Variants in SDHD observed in about 807,000 individuals in gnomAD.
SDHD encodes the protein succinate dehydrogenase [ubiquinone] cytochrome b small subunit, mitochondrial.
SDHD carries 6 observed loss-of-function variants against 18.7 expected under a neutral mutation model. That is an observed-to-expected ratio of 0.32 (90% confidence interval 0.18 to 0.63). SDHD has a LOEUF of 0.63. Ranked by LOEUF, SDHD falls within the 30% of genes least tolerant of loss-of-function variation. The pLI is 0.79. For missense variants in SDHD, 160 were observed against 192.7 expected (o/e 0.83, Z 1.00); for synonymous variants, 56 against 73.9 (o/e 0.76, Z 1.24).
intron 2 of SDHD, 178 bp downstream of exon 2, chr11:112,088,151 T>G (rs1467434718): frequency 1.4e-6 from 1 of 702,584 alleles, no homozygotes; most frequent in Admixed American, 2.0e-5. Context: ...ATGATGCCAT[T>G]TATAATCATA....
intron 3 of SDHD, chr11:112,091,012 A>G (rs1436171443): frequency 2.8e-6 from 2 of 711,506 alleles, no homozygotes; most frequent in Non-Finnish European, 3.4e-6. Context: ...GGTTTTAATT[A>G]TCTGGTTTTG....
chr11:112,089,194 A>G (rs1216353394), intron 3 of SDHD, 183 bp downstream of exon 3: 8 of 642,874 alleles, frequency 1.2e-5, no homozygotes, highest in South Asian at 4.0e-5. Context: ...ATGTCTTTCA[A>G]TTCGATTTCC....
In SDHD at chr11:112,087,847, C is replaced by A; in HGVS notation, c.53-10C>A. 6.3e-7 allele frequency: 1 copy of A among 1,581,792 alleles called. No homozygotes were observed. Among genetic ancestry groups the A allele is most frequent in the Non-Finnish European group, 8.7e-7 (1 of 1,150,988 alleles). On this transcript the variant is annotated splice_polypyrimidine_tract_variant and intron_variant, in intron 1 of 3. Coordinates refer to ENST00000375549, the MANE Select transcript of SDHD (RefSeq NM_003002.4). ...GGTTCTTATGATCATCCTAATGACT[C>A]TTTCCTCAGCTCTGTTGCTTCGAAC...
Position 112,095,713 on chromosome 11 carries a change from ATC to A in SDHD, c.*747_*748del, listed in dbSNP as rs1007666445. ...AAATTGTTATTTTCGCACAATGGGA[ATC>A]TCTAATGTGAAAATGTATTCTATGA... On this transcript the variant is annotated 3_prime_UTR_variant, in exon 4 of 4. Coordinates refer to ENST00000375549, the MANE Select transcript of SDHD (RefSeq NM_003002.4). 4.6e-6 allele frequency: 1 copy of A among 218,272 alleles called. No individual in the cohort carries two copies. Among genetic ancestry groups the A allele is most frequent in the African/African-American group, 2.2e-5 (1 of 44,532 alleles). 13.5% of individuals were successfully genotyped at this position (218,272 alleles called of 1,614,324 possible). A position where few individuals can be genotyped will look rare whatever the true frequency, so the allele number is the denominator to read the frequency against.
chr11:112,089,058 T>C (rs769657742), intron 3 of SDHD, 47 bp downstream of exon 3: 2 of 1,607,766 alleles, frequency 1.2e-6, no homozygotes, highest in Non-Finnish European at 1.7e-6. Context: ...GTTTGTTTGC[T>C]GTGAGCTTGT....
At chr11:112,092,166 A>T (rs1391749386) in intron 3 of SDHD, among the ~76,000 whole-genome samples, 1 of 152,128 alleles carries the variant, frequency 6.6e-6, no homozygotes, top group Non-Finnish European at 1.5e-5. Context: ...TGACGGGTTG[A>T]TAGGTGCAGC....
At chr11:112,090,614 C>T (rs552484699) in intron 3 of SDHD, among the ~76,000 whole-genome samples, 39 of 152,054 alleles carry the variant, frequency 2.6e-4, no homozygotes, top group Admixed American at 6.6e-4. Flanking sequence ...TTAACCAACT[C>T]TTTTATTTTA....
intron 3 of SDHD, among the ~76,000 whole-genome samples, chr11:112,094,369 G>A (rs1008679084): frequency 6.6e-6 from 1 of 152,134 alleles, no homozygotes; most frequent in African/African-American, 2.4e-5. Flanking sequence ...CTGCACTCCA[G>A]CCTGGGCAAA....
Position 112,087,843 on chromosome 11 carries a change from G to A in SDHD, c.53-14G>A. The A allele has an allele frequency of 6.4e-7, 1 of 1,552,932 alleles. No individual in the cohort carries two copies. Among genetic ancestry groups the A allele is most frequent in the Non-Finnish European group, 8.9e-7 (1 of 1,124,990 alleles). On this transcript the variant is annotated splice_polypyrimidine_tract_variant and intron_variant, in intron 1 of 3. Coordinates refer to ENST00000375549, the MANE Select transcript of SDHD (RefSeq NM_003002.4). ...GAGAGGTTCTTATGATCATCCTAAT[G>A]ACTCTTTCCTCAGCTCTGTTGCTTC...
chr11:112,088,842 T>C (rs879404309), intron 2 of SDHD, 25 bp from the exon 3 acceptor site: 3 of 1,611,904 alleles, frequency 1.9e-6, no homozygotes, highest in Non-Finnish European at 2.5e-6. Context: ...CACATCAACT[T>C]TTATGAATCT....
chr11:112,087,442 C>T (rs1865636423), intron 1 of SDHD, among the ~76,000 whole-genome samples: 1 of 152,110 alleles, frequency 6.6e-6, no homozygotes, highest in Admixed American at 6.6e-5. Context: ...ACGTAGTTCC[C>T]GCCCTCAACG....
At position 112,088,941 on chromosome 11, in the gene SDHD, G is replaced by C. The variant is rs745559875; in HGVS notation, c.244G>C (p.Ala82Pro). Reference protein sequence around the residue: ...VSVLLLGLLPAAYLNPCSAMD... With the variant: ...VSVLLLGLLPPAYLNPCSAMD... ...TGTTTTGCTCCTGGGTCTGCTTCCGGCTGCTTATTTGAATCCTTGCTCTGC... is the reference window on the plus strand; with the variant it reads ...TGTTTTGCTCCTGGGTCTGCTTCCGCCTGCTTATTTGAATCCTTGCTCTGC... Residue 82 changes from alanine to proline, a missense_variant, in exon 3 of 4, where the codon GCT becomes CCT. Coordinates refer to ENST00000375549, the MANE Select transcript of SDHD (RefSeq NM_003002.4). 2 of 1,613,720 alleles carry C rather than the reference G, an allele frequency of 1.2e-6. No homozygotes were observed. Among genetic ancestry groups the C allele is most frequent in the Non-Finnish European group, 1.7e-6 (2 of 1,180,010 alleles).
intron 3 of SDHD, among the ~76,000 whole-genome samples, chr11:112,094,399 A>G (rs1486181268): frequency 1.3e-5 from 2 of 150,390 alleles, no homozygotes; most frequent in African/African-American, 2.5e-5. Context: ...CTCTGTCTCA[A>G]TAAATAAATA....
chr11:112,086,994 A>G (rs1334422933), intron 1 of SDHD, 35 bp downstream of exon 1: 2 of 1,612,676 alleles, frequency 1.2e-6, no homozygotes, highest in South Asian at 1.1e-5. Context: ...TGCTTAGCGT[A>G]GCCTCCAGCC....
chr11:112,093,794 A>T (rs913807845), intron 3 of SDHD, among the ~76,000 whole-genome samples: 9 of 152,092 alleles, frequency 5.9e-5, no homozygotes, highest in Non-Finnish European at 1.2e-4. Context: ...TATTCATTAG[A>T]GATGCCACTT....
At position 112,095,717 on chromosome 11, in the gene SDHD, C is replaced by T. The variant is rs11214079; in HGVS notation, c.*747C>T. ...TGTTATTTTCGCACAATGGGAATCT[C>T]TAATGTGAAAATGTATTCTATGAAA... On this transcript the variant is annotated 3_prime_UTR_variant, in exon 4 of 4. Coordinates refer to ENST00000375549, the MANE Select transcript of SDHD (RefSeq NM_003002.4). The T allele has an allele frequency of 4.6e-6, 1 of 217,760 alleles. No homozygotes were observed. The highest frequency in any genetic ancestry group is 1.8e-4 in the South Asian group (1 of 5,426). The allele number at this position is 217,760 out of a possible 1,614,324, so 13.5% of individuals were successfully genotyped here. A position where few individuals can be genotyped will look rare whatever the true frequency, so the allele number is the denominator to read the frequency against.
chr11:112,088,086 T>C, intron 2 of SDHD, 113 bp downstream of exon 2: 1 of 811,666 alleles, frequency 1.2e-6, no homozygotes, highest in South Asian at 1.3e-5. Context: ...GTGTCCAACT[T>C]TGTCAAATGA....
intron 3 of SDHD, among the ~76,000 whole-genome samples, chr11:112,091,345 C>G (rs73568088): frequency 7.2e-5 from 11 of 152,062 alleles, no homozygotes; most frequent in Admixed American, 5.9e-4. Flanking sequence ...AAGTCTCAGC[C>G]GCCTTCAACT....
chr11:112,094,867 C>T lies in SDHD; in HGVS notation c.377C>T (p.Ala126Val). 2 of 1,611,912 alleles carry T rather than the reference C, an allele frequency of 1.2e-6. No homozygotes were observed. The highest frequency in any genetic ancestry group is 2.2e-5 in the South Asian group (2 of 90,990). The change falls in exon 4 of 4, where the codon GCA becomes GTA. Residue 126 changes from alanine (A) to valine (V), a missense_variant. Transcript: ENST00000375549. Reference sequence around the variant, plus strand: ...GATGCCTTGCAGAAAGCTGCCAAGGCAGGGCTTTTGGCACTTTCAGCTTTA... The same window carrying T: ...GATGCCTTGCAGAAAGCTGCCAAGGTAGGGCTTTTGGCACTTTCAGCTTTA... ...HGDALQKAAK[A>V]GLLALSALTF...
Sources: allele counts gnomAD v4.1 joint callset (sites outside exome capture counted in the v4.1 genomes callset), GRCh38; gene constraint gnomAD v4.1.1; transcripts MANE v1.5; gene names NCBI Gene and HGNC (gene_info 2026-07-23, HGNC 2026-07-21).